UQCC1: variants seen among roughly 807,000 people sequenced by gnomAD.
The protein encoded by UQCC1 is ubiquinol-cytochrome c reductase complex assembly factor 1, also known as bFGF-repressed Zic-binding protein.
A neutral mutation model predicts 48.0 loss-of-function variants in UQCC1; 38 were observed. That is an observed-to-expected ratio of 0.79 (90% CI 0.61 to 1.04). UQCC1 has a LOEUF of 1.04. Among genes scored for constraint, UQCC1 ranks in the 50% least tolerant of loss-of-function variants. UQCC1 has a pLI of 0.00. For missense variants in UQCC1, 368 were observed against 381.8 expected (o/e 0.96, Z 0.30); for synonymous variants, 111 against 129.2 (o/e 0.86, Z 0.95).
At chr20:35,396,215 C>T (rs868230810) in intron 1 of UQCC1, among the ~76,000 whole-genome samples, 6 of 151,028 alleles carry the variant, frequency 4.0e-5, no homozygotes, top group Admixed American at 6.6e-5. Context: ...AAACTGCTGA[C>T]CTTAAGTGAT....
Position 35,314,669 on chromosome 20 carries a change from C to T in UQCC1, c.651+19G>A, listed in dbSNP as rs78937159. The T allele has an allele frequency of 8.5e-3, 13,551 of 1,596,768 alleles. 891 individuals are homozygous for T. The African/African-American group carries it at 0.15, about 18-fold the overall frequency. On this transcript the variant is annotated intron_variant, in intron 8 of 9. Coordinates refer to ENST00000374385, the MANE Select transcript of UQCC1 (RefSeq NM_018244.5). ...GGGGGAGGCCACCGTCCTGCCTAAG[C>T]CTTGGCAAACAATCTTACCTCATCA...
Position 35,310,859 on chromosome 20 carries a change from ATTT to A in UQCC1, c.651+3826_651+3828del, listed in dbSNP as rs71184065. Among the ~76,000 whole-genome samples the A allele has an allele frequency of 6.0e-5, 7 of 116,948 alleles. No homozygotes were observed. In the East Asian group the frequency reaches 1.2e-3, roughly 20 times the overall value. The allele number at this position is 116,948 out of a possible 152,430, so 76.7% of individuals were successfully genotyped here. A position where few individuals can be genotyped will look rare whatever the true frequency, so the allele number is the denominator to read the frequency against. On this transcript the variant is annotated intron_variant, in intron 8 of 9. Coordinates refer to ENST00000374385, the MANE Select transcript of UQCC1 (RefSeq NM_018244.5). ...AGGCGCCCACCACCATGCCGGGCTA[ATTT>A]TTTTTTTTTTTTTTTTCAGTAGAGA...
intron 3 of UQCC1, 73 bp downstream of exon 3, chr20:35,383,965 C>A: frequency 7.3e-7 from 1 of 1,371,874 alleles, no homozygotes; most frequent in African/African-American, 1.4e-5. Context: ...ACCTAGCTAA[C>A]AATTTTGTTG....
At chr20:35,313,669 A>G (rs780681673) in intron 8 of UQCC1, among the ~76,000 whole-genome samples, 1 of 152,168 alleles carries the variant, frequency 6.6e-6, no homozygotes, top group Non-Finnish European at 1.5e-5. Context: ...GCTGGAGTGC[A>G]GTGGCGCAAT....
intron 1 of UQCC1, among the ~76,000 whole-genome samples, chr20:35,407,066 A>T (rs1331603666): frequency 4.6e-5 from 7 of 151,982 alleles, no homozygotes; most frequent in Admixed American, 4.6e-4. Context: ...CAACTTTCAA[A>T]AGAAAACTTA....
chr20:35,331,223 A>C (rs1392627197), intron 7 of UQCC1, among the ~76,000 whole-genome samples: 1 of 152,142 alleles, frequency 6.6e-6, no homozygotes, highest in African/African-American at 2.4e-5. Flanking sequence ...GCTGATTCCT[A>C]ACCCCAGCAG....
At chr20:35,336,713 T>C (rs1375544251) in intron 7 of UQCC1, among the ~76,000 whole-genome samples, 1 of 152,216 alleles carries the variant, frequency 6.6e-6, no homozygotes, top group East Asian at 1.9e-4. Flanking sequence ...TTTGTGGTAA[T>C]CTGCTGTAAC....
chr20:35,304,876 C>A (rs6058225), intron 9 of UQCC1, among the ~76,000 whole-genome samples: 41 of 152,340 alleles, frequency 2.7e-4, no homozygotes, highest in African/African-American at 1.7e-4. Context: ...GCCTCTCGCA[C>A]GTGTCTTGGC....
intron 6 of UQCC1, among the ~76,000 whole-genome samples, chr20:35,365,823 A>G (rs2061660578): frequency 6.6e-6 from 1 of 152,194 alleles, no homozygotes; most frequent in African/African-American, 2.4e-5. Flanking sequence ...GGCAGTCTCA[A>G]ACAAGGGTCC....
rs188151856 is a variant in UQCC1 at position 35,392,331 on chromosome 20, A to C, written c.129+1761T>G. ...TTACAGTCGATACGACAAAAGGTCC[A>C]GTTGATTTACAATGACTAAAATTAC... On this transcript the variant is annotated intron_variant, in intron 2 of 9. Transcript: ENST00000374385. The C allele has an allele frequency of 1.8e-4, 230 of 1,280,544 alleles. No individual in the cohort carries two copies. In the African/African-American group the frequency reaches 3.4e-3, roughly 19 times the overall value. The allele number at this position is 1,280,544 out of a possible 1,614,324, so 79.3% of individuals were successfully genotyped here.
chr20:35,360,958 CT>C (rs1158334172), intron 6 of UQCC1, among the ~76,000 whole-genome samples: 1 of 152,160 alleles, frequency 6.6e-6, no homozygotes, highest in African/African-American at 2.4e-5. Flanking sequence ...TCAGAGTTGT[CT>C]CGGGTCAGCC....
At position 35,306,787 on chromosome 20, in the gene UQCC1, A is replaced by C. The variant is rs372672930; in HGVS notation, c.652-8T>G. The stretch of plus-strand genomic sequence containing the variant: ...ATCATCTGAAAGGATCCCCTGGAAC[A>C]TACAGCACAGCAGTGGTCTCCTGAG... On this transcript the variant is annotated splice_polypyrimidine_tract_variant and splice_region_variant and intron_variant, in intron 8 of 9. Transcript: ENST00000374385. 5.0e-6 allele frequency: 8 copies of C among 1,609,344 alleles called. No homozygotes were observed. Among genetic ancestry groups the C allele is most frequent in the Non-Finnish European group, 6.8e-6 (8 of 1,175,764 alleles).
intron 6 of UQCC1, among the ~76,000 whole-genome samples, chr20:35,365,268 C>T (rs1480774124): frequency 2.0e-5 from 3 of 152,310 alleles, no homozygotes; most frequent in Admixed American, 6.5e-5. Flanking sequence ...CATCTTATCT[C>T]CCTCACTAGA....
chr20:35,340,916 CTT>C lies in UQCC1; in HGVS notation c.573+6246_573+6247del, dbSNP rs527597804. On this transcript the variant is annotated intron_variant, in intron 7 of 9. Transcript: ENST00000374385. ...ACTAAAGCCTCCTAAAATGTAATGCCTTTGTTAGTTTAGAAAGATAAAATACC... is the reference window on the plus strand; with the variant it reads ...ACTAAAGCCTCCTAAAATGTAATGCCTGTTAGTTTAGAAAGATAAAATACC... Among the ~76,000 whole-genome samples the C allele has an allele frequency of 1.5e-3, 235 of 152,114 alleles. 1 individual carries two copies. Among genetic ancestry groups the C allele is most frequent in the Admixed American group, 8.0e-3 (122 of 15,282 alleles).
At chr20:35,335,436 C>T (rs2061305097) in intron 7 of UQCC1, among the ~76,000 whole-genome samples, 1 of 151,774 alleles carries the variant, frequency 6.6e-6, no homozygotes, top group Non-Finnish European at 1.5e-5. Flanking sequence ...GGAATGATGT[C>T]GGTCGGGGGA....
rs1181493464 is a variant in UQCC1 at position 35,347,794 on chromosome 20, A to C, written c.465-522T>G. ...GTGGCACAAGTTTAAGATTTCAAAG[A>C]TTTAGTTGAAGAAAAAGAATATAAA... is the stretch of plus-strand genomic sequence containing the variant. On this transcript the variant is annotated intron_variant, in intron 6 of 9. Transcript: ENST00000374385. Among the ~76,000 whole-genome samples, 3 of 152,346 alleles carry C rather than the reference A, an allele frequency of 2.0e-5. No individual in the cohort carries two copies. In the East Asian group the frequency reaches 5.8e-4, roughly 29 times the overall value.
chr20:35,348,945 A>G (rs982197104), intron 6 of UQCC1, among the ~76,000 whole-genome samples: 61 of 152,198 alleles, frequency 4.0e-4, no homozygotes, highest in African/African-American at 1.4e-3. Context: ...GTGAGGCACC[A>G]TGCCTGGCAG....
intron 1 of UQCC1, among the ~76,000 whole-genome samples, chr20:35,410,368 C>T (rs1009580926): frequency 1.3e-5 from 2 of 151,304 alleles, no homozygotes; most frequent in African/African-American, 4.9e-5. Context: ...TCCATCTCTA[C>T]TAAAAATACA....
At chr20:35,332,321 T>C (rs954208243) in intron 7 of UQCC1, among the ~76,000 whole-genome samples, 6 of 152,206 alleles carry the variant, frequency 3.9e-5, no homozygotes, top group African/African-American at 1.4e-4. Flanking sequence ...TCTCTCTGGG[T>C]AAAGGAGAGC....
Sources: allele counts gnomAD v4.1 joint callset (sites outside exome capture counted in the v4.1 genomes callset), GRCh38; gene constraint gnomAD v4.1.1; transcripts MANE v1.5; gene names NCBI Gene and HGNC (gene_info 2026-07-23, HGNC 2026-07-21).